Variants in MAP2K3 observed in about 807,000 individuals in gnomAD.
The protein encoded by MAP2K3 is mitogen-activated protein kinase kinase 3, also known as dual specificity mitogen-activated protein kinase kinase 3.
MAP2K3 carries 30 observed loss-of-function variants against 46.4 expected under a neutral mutation model. That is an observed-to-expected ratio of 0.65 (90% CI 0.48 to 0.88). The LOEUF (loss-of-function observed/expected upper bound fraction) is 0.88. Ranked by LOEUF, MAP2K3 falls within the 40% of genes least tolerant of loss-of-function variation. The pLI, the probability that MAP2K3 is intolerant of heterozygous loss-of-function variation, is 0.00. For synonymous variants in MAP2K3, 189 were observed against 176.3 expected, an observed-to-expected ratio of 1.07 and a Z score of -0.57; for missense variants, 380 against 464.5, an observed-to-expected ratio of 0.82 and a Z score of 1.67.
At chr17:21,304,790 G>A (rs1466120585) in intron 8 of MAP2K3, among the ~76,000 whole-genome samples, 6 of 152,312 alleles carry the variant, frequency 3.9e-5, no homozygotes, top group Non-Finnish European at 7.3e-5. Context: ...CCACCTCTGC[G>A]GAGGACACTG....
At chr17:21,302,000 G>A (rs1976628264) in intron 5 of MAP2K3, 143 bp from the exon 6 acceptor site, 1 of 807,088 alleles carries the variant, frequency 1.2e-6, no homozygotes, top group Non-Finnish European at 2.1e-6. Flanking sequence ...GGTGGTGGGT[G>A]GGAGCCCGGT....
chr17:21,285,139 C>T (rs1021276092), intron 1 of MAP2K3, 170 bp downstream of exon 1: 1 of 854,628 alleles, frequency 1.2e-6, no homozygotes, highest in Non-Finnish European at 1.4e-6. Flanking sequence ...CCGCCTGGGC[C>T]CTCACCTGGA....
At position 21,300,601 on chromosome 17, in the gene MAP2K3, C is replaced by T. The variant is rs1241288112; in HGVS notation, c.222C>T (p.Ala74=). The T allele has an allele frequency of 6.2e-7, 1 of 1,613,188 alleles. No homozygotes were observed. The stretch of plus-strand genomic sequence containing the variant: ...CCATCTCAGAACTGGGCCGTGGAGC[C>T]TATGGGGTGGTAGAGAAGGTGCGGC... The part of the protein sequence containing the change: ...LVTISELGRG[A]YGVVEKVRHA... Residue 74 remains alanine, a synonymous_variant, in exon 4 of 12, where the codon GCC becomes GCT. Transcript: ENST00000342679.
At chr17:21,298,348 A>G (rs1005847034) in intron 1 of MAP2K3, 65 bp from the exon 2 acceptor site, 2 of 1,606,844 alleles carry the variant, frequency 1.2e-6, no homozygotes, top group Admixed American at 1.7e-5. Flanking sequence ...CTGATGGCTC[A>G]TGGGAGTGCA....
chr17:21,285,763 C>A (rs1407241138), intron 1 of MAP2K3, among the ~76,000 whole-genome samples: 2 of 152,182 alleles, frequency 1.3e-5, no homozygotes, highest in African/African-American at 2.4e-5. Flanking sequence ...GGGCCAGCCG[C>A]CAGGCCAGGG....
chr17:21,291,547 G>T (rs62056394), intron 1 of MAP2K3: 1 of 428,748 alleles, frequency 2.3e-6, no homozygotes, highest in South Asian at 1.7e-5. Flanking sequence ...CCTGGTGCAA[G>T]GAATGTCCCA....
In MAP2K3 at chr17:21,310,000, GT is replaced by G. The variant is rs1189519097; in HGVS notation, c.775-2134del. Among the ~76,000 whole-genome samples, 6 of 149,094 alleles carry G rather than the reference GT, an allele frequency of 4.0e-5. No individual in the cohort carries two copies. The South Asian group carries it at 8.6e-4, about 21-fold the overall frequency. On this transcript the variant is annotated intron_variant, in intron 9 of 11. Coordinates refer to ENST00000342679, the MANE Select transcript of MAP2K3 (RefSeq NM_145109.3). ...TCTCTCTCTGTTTTTTTTGTTTTTTGTTTTTTTTGTTGTTTTTTTTTTTAGA... is the reference window on the plus strand; with the variant it reads ...TCTCTCTCTGTTTTTTTTGTTTTTTGTTTTTTTGTTGTTTTTTTTTTTAGA...
chr17:21,297,322 C>T (rs1448806832), intron 1 of MAP2K3, among the ~76,000 whole-genome samples: 1 of 152,308 alleles, frequency 6.6e-6, no homozygotes, highest in Non-Finnish European at 1.5e-5. Context: ...AGCCCCAGTA[C>T]CAGCAGCCAG....
chr17:21,288,491 T>A (rs1343128864), intron 1 of MAP2K3, among the ~76,000 whole-genome samples: 5 of 152,184 alleles, frequency 3.3e-5, no homozygotes, highest in African/African-American at 7.2e-5. Context: ...CGGCCTGAGC[T>A]CCTGGAAGAT....
chr17:21,291,806 A>G, intron 1 of MAP2K3: 1 of 357,780 alleles, frequency 2.8e-6, no homozygotes, highest in South Asian at 2.1e-5. Context: ...GCCTGGTGGG[A>G]TAGTGACCTG....
At chr17:21,306,649 A>C (rs963580987) in intron 9 of MAP2K3, among the ~76,000 whole-genome samples, 59 of 151,896 alleles carry the variant, frequency 3.9e-4, no homozygotes, top group Non-Finnish European at 7.7e-4. Context: ...TGCCCAGCTG[A>C]TTTTTGTATT....
intron 1 of MAP2K3, among the ~76,000 whole-genome samples, chr17:21,297,123 AG>A (rs1976299823): frequency 6.6e-6 from 1 of 152,310 alleles, no homozygotes; most frequent in Admixed American, 6.5e-5. Context: ...TTGTCTTCCC[AG>A]TAGCGGTAAC....
chr17:21,304,668 G>C, intron 8 of MAP2K3, 115 bp downstream of exon 8: 1 of 1,517,982 alleles, frequency 6.6e-7, no homozygotes, highest in Non-Finnish European at 8.9e-7. Context: ...TCCCCACACT[G>C]CGTTTCCTGC....
chr17:21,287,964 T>G, intron 1 of MAP2K3: 1 of 1,215,186 alleles, frequency 8.2e-7, no homozygotes, highest in Non-Finnish European at 1.1e-6. Context: ...CCTCGGGGAC[T>G]TCCCCCACCC....
intron 9 of MAP2K3, among the ~76,000 whole-genome samples, chr17:21,308,418 G>C (rs564542287): frequency 6.6e-6 from 1 of 152,302 alleles, no homozygotes; most frequent in Non-Finnish European, 1.5e-5. Context: ...AAAGTGTTGG[G>C]ATTACAGGCG....
chr17:21,293,399 G>A (rs1326159428), intron 1 of MAP2K3, among the ~76,000 whole-genome samples: 12 of 152,300 alleles, frequency 7.9e-5, no homozygotes, highest in African/African-American at 2.2e-4. Context: ...TGTTGCAGGC[G>A]GGCCATGGTT....
chr17:21,307,068 A>G (rs1445040998), intron 9 of MAP2K3, among the ~76,000 whole-genome samples: 3 of 152,310 alleles, frequency 2.0e-5, no homozygotes, highest in African/African-American at 4.8e-5. Flanking sequence ...TTATAGGCAC[A>G]AGCTACTGCA....
In MAP2K3 at chr17:21,298,439, C is replaced by T. The variant is rs779727093; in HGVS notation, c.76C>T (p.Arg26Trp). 26 of 1,614,160 alleles carry T rather than the reference C, an allele frequency of 1.6e-5. No individual in the cohort carries two copies. The highest frequency in any genetic ancestry group is 1.9e-5 in the Non-Finnish European group (22 of 1,180,036). ...KGKSKRKKDL[R>W]ISCMSKPPAP... is the part of the protein sequence containing the mutation. Reference sequence around the variant, plus strand: ...AAAATCCAAGAGGAAGAAGGATCTACGGATATCCTGCATGTCCAAGCCACC... The same window carrying T: ...AAAATCCAAGAGGAAGAAGGATCTATGGATATCCTGCATGTCCAAGCCACC... Residue 26 changes from arginine (R) to tryptophan (W), a missense_variant, in exon 2 of 12, where the codon CGG becomes TGG. Coordinates refer to ENST00000342679, the MANE Select transcript of MAP2K3 (RefSeq NM_145109.3).
chr17:21,289,748 G>A (rs1975830945), intron 1 of MAP2K3, among the ~76,000 whole-genome samples: 1 of 152,234 alleles, frequency 6.6e-6, no homozygotes, highest in African/African-American at 2.4e-5. Context: ...AGTTTGTTGG[G>A]CCCCTTGCAG....
Sources: allele counts gnomAD v4.1 joint callset (sites outside exome capture counted in the v4.1 genomes callset), GRCh38; gene constraint gnomAD v4.1.1; transcripts MANE v1.5; gene names NCBI Gene and HGNC (gene_info 2026-07-23, HGNC 2026-07-21).